The following GRAMD1B variants were observed in gnomAD, a reference collection of about 807,000 sequenced individuals.
GRAMD1B encodes the protein GRAM domain containing 1B.
In GRAMD1B, 37 loss-of-function variants were observed where a neutral mutation model predicts 99.7. The observed-to-expected ratio is 0.37, with a 90% CI of 0.29 to 0.49. The LOEUF is 0.49. GRAMD1B is among the 20% of genes least tolerant of loss of function. GRAMD1B has a pLI of 0.98. For synonymous variants in GRAMD1B, 427 were observed against 387.6 expected, an observed-to-expected ratio of 1.10 and a Z score of -1.19; for missense variants, 888 against 1,009.2, an observed-to-expected ratio of 0.88 and a Z score of 1.63.
chr11:123,584,599 C>A (rs1357301522), intron 4 of GRAMD1B, among the ~76,000 whole-genome samples: 1 of 151,986 alleles, frequency 6.6e-6, no homozygotes, highest in African/African-American at 2.4e-5. Flanking sequence ...GTCTGTCAAC[C>A]CTAAAAGAGG....
At chr11:123,394,590 AG>A (rs1947393856) in intron 1 of GRAMD1B, among the ~76,000 whole-genome samples, 1 of 152,032 alleles carries the variant, frequency 6.6e-6, no homozygotes, top group African/African-American at 2.4e-5. Context: ...ATAATTCTTG[AG>A]CATCTTCTAT....
chr11:123,619,251 C>A, intron 19 of GRAMD1B, 27 bp downstream of exon 19: 1 of 1,549,388 alleles, frequency 6.5e-7, no homozygotes, highest in Non-Finnish European at 8.7e-7. Context: ...TCTCTGCTTG[C>A]CCTGGTCTTT....
chr11:123,471,139 A>T (rs1408229994), intron 1 of GRAMD1B, among the ~76,000 whole-genome samples: 1 of 152,222 alleles, frequency 6.6e-6, no homozygotes, highest in Non-Finnish European at 1.5e-5. Context: ...GATGAATTGC[A>T]GTAGATTTTA....
At chr11:123,379,120 T>C (rs759459072) in intron 1 of GRAMD1B, among the ~76,000 whole-genome samples, 2 of 152,186 alleles carry the variant, frequency 1.3e-5, no homozygotes, top group Admixed American at 6.5e-5. Context: ...TAATGAGTTA[T>C]ACCTTAGGAA....
At chr11:123,481,134 C>T (rs912316134) in intron 2 of GRAMD1B, among the ~76,000 whole-genome samples, 3 of 152,132 alleles carry the variant, frequency 2.0e-5, no homozygotes, top group Non-Finnish European at 2.9e-5. Flanking sequence ...AAGAAGTCAA[C>T]GTGTGGCAAA....
chr11:123,407,705 A>G (rs535221613), intron 1 of GRAMD1B, among the ~76,000 whole-genome samples: 72 of 152,326 alleles, frequency 4.7e-4, no homozygotes, highest in African/African-American at 1.5e-3. Flanking sequence ...GCTGAAGAAA[A>G]TCAAATTGAC....
intron 2 of GRAMD1B, among the ~76,000 whole-genome samples, chr11:123,531,162 G>A (rs951734781): frequency 2.0e-5 from 3 of 152,174 alleles, no homozygotes; most frequent in Non-Finnish European, 4.4e-5. Context: ...CGAACAGTGT[G>A]AGATTTACTT....
intron 1 of GRAMD1B, among the ~76,000 whole-genome samples, chr11:123,375,924 G>C (rs1760386784): frequency 6.6e-6 from 1 of 152,156 alleles, no homozygotes; most frequent in African/African-American, 2.4e-5. Context: ...AAGAACAAGA[G>C]AGAAGGGTGA....
chr11:123,419,262 A>G (rs1948338195), intron 1 of GRAMD1B, among the ~76,000 whole-genome samples: 1 of 152,184 alleles, frequency 6.6e-6, no homozygotes, highest in Admixed American at 6.5e-5. Context: ...TCAAACTCAT[A>G]GTGATACTGT....
chr11:123,548,347 CACAT>C (rs1188977001), intron 2 of GRAMD1B, among the ~76,000 whole-genome samples: 6 of 115,226 alleles, frequency 5.2e-5, no homozygotes, highest in South Asian at 2.5e-4. Flanking sequence ...CACACACACA[CACAT>C]ATATATATAT....
chr11:123,424,915 T>C (rs1409807263), intron 1 of GRAMD1B, among the ~76,000 whole-genome samples: 1 of 152,232 alleles, frequency 6.6e-6, no homozygotes, highest in Non-Finnish European at 1.5e-5. Flanking sequence ...CAACTACTTG[T>C]AGAATTAAAC....
intron 2 of GRAMD1B, among the ~76,000 whole-genome samples, chr11:123,483,894 G>A (rs1951745988): frequency 6.6e-6 from 1 of 152,088 alleles, no homozygotes; most frequent in Non-Finnish European, 1.5e-5. Flanking sequence ...TCAGTTTTAT[G>A]CCCCCTGTTA....
intron 2 of GRAMD1B, among the ~76,000 whole-genome samples, chr11:123,527,477 A>G (rs1942910879): frequency 6.6e-6 from 1 of 152,148 alleles, no homozygotes; most frequent in Non-Finnish European, 1.5e-5. Context: ...GATGAACATC[A>G]GTTATCCCCC....
chr11:123,502,092 C>G (rs1939926360), intron 2 of GRAMD1B, among the ~76,000 whole-genome samples: 3 of 152,230 alleles, frequency 2.0e-5, no homozygotes, highest in Admixed American at 2.0e-4. Flanking sequence ...CCTGAGGCTG[C>G]TGCTGCTTAC....
chr11:123,583,373 A>G (rs1592130154), intron 3 of GRAMD1B, among the ~76,000 whole-genome samples: 1 of 138,424 alleles, frequency 7.2e-6, no homozygotes, highest in Non-Finnish European at 1.5e-5. Context: ...GTGTGTGTGC[A>G]CGTGTGTGGT....
rs763283753 is a variant in GRAMD1B at position 123,492,858 on chromosome 11, T to TCACACACACA, written c.452+11971_452+11972insCACACACACA. 0.058 allele frequency among the ~76,000 whole-genome samples: 7,595 copies of TCACACACACA among 131,674 alleles called. 363 individuals are homozygous for TCACACACACA. The highest frequency in any genetic ancestry group is 0.22 in the East Asian group (1,079 of 4,820). 86.4% of individuals were successfully genotyped at this position (131,674 alleles called of 152,430 possible). A position where few individuals can be genotyped will look rare whatever the true frequency, so the allele number is the denominator to read the frequency against. ...CTCTCTCTCTCTCTGTCTCTCTCTT[T>TCACACACACA]CACACATACACACACACACACACAC... On this transcript the variant is annotated intron_variant, in intron 2 of 19. Coordinates refer to ENST00000635736, the MANE Select transcript of GRAMD1B (RefSeq NM_001387025.1). The surrounding 1 kb of genome is among the most constrained non-coding windows in gnomAD (Gnocchi z 4.2).
intron 7 of GRAMD1B, among the ~76,000 whole-genome samples, chr11:123,600,238 G>T (rs1046441689): frequency 1.3e-5 from 2 of 152,120 alleles, no homozygotes; most frequent in Non-Finnish European, 2.9e-5. Context: ...GGAAAGTGTG[G>T]GTAAGAGTGG....
At chr11:123,535,252 AAT>A (rs1347567142) in intron 2 of GRAMD1B, among the ~76,000 whole-genome samples, 1 of 152,024 alleles carries the variant, frequency 6.6e-6, no homozygotes, top group Non-Finnish European at 1.5e-5. Flanking sequence ...AAAAAAAAAA[AAT>A]CTCATACAAC....
At chr11:123,575,061 T>G (rs1235621459) in intron 2 of GRAMD1B, among the ~76,000 whole-genome samples, 1 of 99,990 alleles carries the variant, frequency 1.0e-5, no homozygotes, top group Non-Finnish European at 2.3e-5. Flanking sequence ...GTGTAGATCT[T>G]TGCATGGTGT....
Sources: gnomAD v4.1 joint callset for allele counts (sites outside exome capture counted in the v4.1 genomes callset) on GRCh38, gnomAD v4.1.1 for gene constraint, Gnocchi (gnomAD v3.1) non-coding constraint, MANE v1.5 for transcripts, NCBI Gene and HGNC (gene_info 2026-07-23, HGNC 2026-07-21) for gene names.